CENPW: variants seen among roughly 807,000 people sequenced by gnomAD.
CENPW encodes the protein centromere protein W, also known as cancer-up-regulated gene 2 protein.
In CENPW, 3 loss-of-function variants were observed where a neutral mutation model predicts 11.1. The ratio of observed to expected loss-of-function variants is 0.27; its 90% CI spans 0.12 to 0.70. CENPW has a LOEUF of 0.70. CENPW is among the 30% of genes least tolerant of loss of function. The pLI, the probability that CENPW is intolerant of heterozygous loss-of-function variation, is 0.77. For missense variants in CENPW, 100 were observed against 105.6 expected (o/e 0.95, Z 0.23); for synonymous variants, 38 against 42.0 (o/e 0.91, Z 0.37).
the CENPW span, among the ~76,000 whole-genome samples, chr6:126,386,666 G>T: frequency 2.0e-5 from 3 of 149,984 alleles, no homozygotes; most frequent in African/African-American, 4.9e-5. Flanking sequence ...CAGCTGCTTT[G>T]CTTTCAAATA....
At chr6:126,435,270 G>A in the CENPW span, among the ~76,000 whole-genome samples, 1 of 151,752 alleles carries the variant, frequency 6.6e-6, no homozygotes, top group African/African-American at 2.4e-5. Flanking sequence ...TTTCAAAAGT[G>A]GAAAAATATT....
the CENPW span, among the ~76,000 whole-genome samples, chr6:126,464,226 A>G: frequency 3.3e-5 from 5 of 152,254 alleles, no homozygotes; most frequent in African/African-American, 1.2e-4. Flanking sequence ...CCACCTGAAC[A>G]TCTCAATAGG....
At chr6:126,399,444 C>T in the CENPW span, among the ~76,000 whole-genome samples, 1 of 152,068 alleles carries the variant, frequency 6.6e-6, no homozygotes, top group Non-Finnish European at 1.5e-5. Context: ...CAAGTTTTAA[C>T]TTTGGCTTTA....
chr6:126,371,659 C>G, the CENPW span, among the ~76,000 whole-genome samples: 1 of 151,986 alleles, frequency 6.6e-6, no homozygotes, highest in Admixed American at 6.6e-5. Flanking sequence ...GAATTGGTAC[C>G]AATTCTTCTT....
At chr6:126,383,128 T>TA in the CENPW span, among the ~76,000 whole-genome samples, 2 of 152,168 alleles carry the variant, frequency 1.3e-5, no homozygotes, top group Non-Finnish European at 2.9e-5. Flanking sequence ...TCAACATTGA[T>TA]AAAATGAAGA....
At chr6:126,468,684 T>C in the CENPW span, among the ~76,000 whole-genome samples, 1 of 152,148 alleles carries the variant, frequency 6.6e-6, no homozygotes, top group South Asian at 2.1e-4. Flanking sequence ...AATTTTTCTG[T>C]AAATTTAAAA....
the CENPW span, among the ~76,000 whole-genome samples, chr6:126,474,971 A>G: frequency 8.5e-5 from 13 of 152,186 alleles, no homozygotes; most frequent in Non-Finnish European, 1.8e-4. Flanking sequence ...GTGTATGTTC[A>G]CAAGGCTCAT....
the CENPW span, among the ~76,000 whole-genome samples, chr6:126,396,732 G>C: frequency 6.6e-6 from 1 of 152,038 alleles, no homozygotes; most frequent in Non-Finnish European, 1.5e-5. Flanking sequence ...GTTACTGCTG[G>C]TTATTCAAAG....
chr6:126,355,005 A>C, the CENPW span, among the ~76,000 whole-genome samples: 62 of 152,276 alleles, frequency 4.1e-4, no homozygotes, highest in African/African-American at 1.4e-3. Context: ...TTAATATGAA[A>C]CTAATATTCA....
the CENPW span, among the ~76,000 whole-genome samples, chr6:126,466,191 C>A: frequency 6.6e-6 from 1 of 151,908 alleles, no homozygotes. Context: ...AATTTTGGAT[C>A]AAGGGAATTC....
the CENPW span, among the ~76,000 whole-genome samples, chr6:126,398,975 A>G: frequency 6.6e-6 from 1 of 151,912 alleles, no homozygotes; most frequent in East Asian, 1.9e-4. Context: ...TTCATGTTCC[A>G]AAGAACATGA....
the CENPW span, among the ~76,000 whole-genome samples, chr6:126,382,942 C>CA: frequency 6.6e-6 from 1 of 152,046 alleles, no homozygotes; most frequent in Admixed American, 6.5e-5. Flanking sequence ...AGAATTCCTG[C>CA]AAAACACTTC....
At chr6:126,433,886 C>A in the CENPW span, among the ~76,000 whole-genome samples, 1 of 152,016 alleles carries the variant, frequency 6.6e-6, no homozygotes, top group African/African-American at 2.4e-5. Flanking sequence ...TAATCCTTTG[C>A]TATTTTGGAA....
chr6:126,414,718 T>C, the CENPW span, among the ~76,000 whole-genome samples: 1 of 151,278 alleles, frequency 6.6e-6, no homozygotes, highest in Non-Finnish European at 1.5e-5. Flanking sequence ...TCTCAAGGAA[T>C]TGGAAAAGCA....
At chr6:126,344,568 G>T (rs1198552260) in intron 1 of CENPW, among the ~76,000 whole-genome samples, 1 of 152,178 alleles carries the variant, frequency 6.6e-6, no homozygotes, top group Non-Finnish European at 1.5e-5. Context: ...GGCTATCATT[G>T]AAAGTTTAAA....
the CENPW span, among the ~76,000 whole-genome samples, chr6:126,441,664 C>T: frequency 6.6e-6 from 1 of 151,480 alleles, no homozygotes; most frequent in South Asian, 2.1e-4. Flanking sequence ...CCTTTGCATC[C>T]TCATAGTTTA....
At chr6:126,448,492 A>C in the CENPW span, among the ~76,000 whole-genome samples, 1 of 151,092 alleles carries the variant, frequency 6.6e-6, no homozygotes, top group Admixed American at 6.6e-5. Context: ...AGTGTGGGGT[A>C]GTACTGTTCA....
At chr6:126,343,328 G>A (rs190139434) in intron 1 of CENPW, among the ~76,000 whole-genome samples, 121 of 152,294 alleles carry the variant, frequency 7.9e-4, no homozygotes, top group African/African-American at 2.7e-3. Context: ...TGACATAAAT[G>A]TAGGTTGCTT....
At chr6:126,378,162 C>T in the CENPW span, among the ~76,000 whole-genome samples, 2 of 152,218 alleles carry the variant, frequency 1.3e-5, no homozygotes, top group Admixed American at 6.6e-5. Flanking sequence ...CAATTGTTGA[C>T]CTTGCTAGAA....
Sources: gnomAD v4.1 joint callset for allele counts (sites outside exome capture counted in the v4.1 genomes callset) on GRCh38, gnomAD v4.1.1 for gene constraint, MANE v1.5 for transcripts, NCBI Gene and HGNC (gene_info 2026-07-23, HGNC 2026-07-21) for gene names.